EYA1: variants seen among roughly 807,000 people sequenced by gnomAD.
EYA1 encodes the protein protein phosphatase EYA1.
In EYA1, 16 loss-of-function variants were observed where a neutral mutation model predicts 82.0. The observed-to-expected ratio is 0.20, with a 90% CI of 0.13 to 0.30. The LOEUF (loss-of-function observed/expected upper bound fraction) is 0.30. Among genes scored for constraint, EYA1 ranks in the 10% least tolerant of loss-of-function variants. The pLI is 1.00. For missense variants in EYA1, 633 were observed against 730.7 expected (o/e 0.87, Z 1.54); for synonymous variants, 261 against 264.4 (o/e 0.99, Z 0.12).
chr8:71,376,735 T>C (rs1442700381), intron 2 of EYA1, among the ~76,000 whole-genome samples: 1 of 152,176 alleles, frequency 6.6e-6, no homozygotes, highest in Non-Finnish European at 1.5e-5. Flanking sequence ...GTGATTTGAC[T>C]GTCATCTCCA....
At chr8:71,352,971 T>C (rs1826454080) in intron 3 of EYA1, among the ~76,000 whole-genome samples, 1 of 152,208 alleles carries the variant, frequency 6.6e-6, no homozygotes, top group Non-Finnish European at 1.5e-5. Flanking sequence ...TTCTTAGTCC[T>C]ACTCATTTCT....
chr8:71,257,465 C>T (rs1448454930), intron 11 of EYA1, among the ~76,000 whole-genome samples: 3 of 152,118 alleles, frequency 2.0e-5, no homozygotes, highest in Non-Finnish European at 2.9e-5. Context: ...ATTTAAAACA[C>T]GTGCAAGCCA....
chr8:71,356,342 A>T, intron 2 of EYA1, 120 bp downstream of exon 2: 1 of 821,586 alleles, frequency 1.2e-6, no homozygotes. Flanking sequence ...CAAACTGTTA[A>T]GTAATTTCCA....
chr8:71,339,642 A>T (rs901845570), intron 3 of EYA1, among the ~76,000 whole-genome samples: 1 of 152,132 alleles, frequency 6.6e-6, no homozygotes, highest in Non-Finnish European at 1.5e-5. Flanking sequence ...ATCTTCCTGC[A>T]ACATTTCCCA....
chr8:71,471,764 G>C (rs1809228666), intron 2 of EYA1, among the ~76,000 whole-genome samples: 1 of 152,100 alleles, frequency 6.6e-6, no homozygotes, highest in Admixed American at 6.6e-5. Context: ...AAGGATGGGA[G>C]AAGAGGATGT....
At chr8:71,406,579 G>T (rs545106512) in intron 2 of EYA1, among the ~76,000 whole-genome samples, 1 of 152,308 alleles carries the variant, frequency 6.6e-6, no homozygotes, top group African/African-American at 2.4e-5. Flanking sequence ...AAGGGGTCAG[G>T]GAGTTCCCTT....
chr8:71,517,252 T>C (rs1012076365), intron 2 of EYA1, among the ~76,000 whole-genome samples: 111 of 152,202 alleles, frequency 7.3e-4, no homozygotes, highest in African/African-American at 2.5e-3. Context: ...TTCAACTCTC[T>C]ACAAACATCA....
At chr8:71,250,292 G>T (rs528590263) in intron 11 of EYA1, among the ~76,000 whole-genome samples, 1 of 152,158 alleles carries the variant, frequency 6.6e-6, no homozygotes, top group East Asian at 1.9e-4. Flanking sequence ...ACTAGGCAGA[G>T]GCCTAAACTG....
chr8:71,288,976 C>T (rs1196539540), intron 9 of EYA1, among the ~76,000 whole-genome samples: 2 of 152,172 alleles, frequency 1.3e-5, no homozygotes, highest in Non-Finnish European at 2.9e-5. Flanking sequence ...CAGATCCCCA[C>T]CTTCACTTTA....
chr8:71,300,498 T>C (rs1374515032), intron 7 of EYA1, among the ~76,000 whole-genome samples: 1 of 152,150 alleles, frequency 6.6e-6, no homozygotes, highest in Non-Finnish European at 1.5e-5. Flanking sequence ...TTGGGAAATA[T>C]ATAAAAAACG....
chr8:71,354,953 T>A (rs1826711204), intron 2 of EYA1, 44 bp from the exon 3 acceptor site: 2 of 1,599,730 alleles, frequency 1.3e-6, no homozygotes, highest in Non-Finnish European at 1.7e-6. Flanking sequence ...ACCAAATTCA[T>A]AACACCACCA....
At position 71,299,693 on chromosome 8, in the gene EYA1, A is replaced by G; in HGVS notation, c.584T>C (p.Ile195Thr). ...TGTGAGTGAATTATTTCCTGTATAT[A>G]TTCCTGATGATGTTGTAAAACTGCT... ...QGSSFTTSSG[I>T]YTGNNSLTNS... is the part of the protein sequence containing the mutation. Residue 195 changes from isoleucine (I) to threonine (T), a missense_variant, in exon 8 of 18, where the codon ATA becomes ACA. By Grantham distance (89) the Ile-to-Thr change is moderately conservative (BLOSUM62 -1). Coordinates refer to ENST00000340726, the MANE Select transcript of EYA1 (RefSeq NM_000503.6). 6.3e-7 allele frequency: 1 copy of G among 1,577,188 alleles called. No individual in the cohort carries two copies. Among genetic ancestry groups the G allele is most frequent in the Non-Finnish European group, 8.7e-7 (1 of 1,147,430 alleles).
At chr8:71,544,114 A>C (rs1198726252) in intron 1 of EYA1, among the ~76,000 whole-genome samples, 1 of 152,188 alleles carries the variant, frequency 6.6e-6, no homozygotes, top group Admixed American at 6.5e-5. Context: ...GCACTGACTC[A>C]GGGTTTCTTT....
intron 2 of EYA1, among the ~76,000 whole-genome samples, chr8:71,507,703 T>C (rs951186085): frequency 6.6e-6 from 1 of 152,200 alleles, no homozygotes; most frequent in Admixed American, 6.5e-5. Flanking sequence ...TTCTATCCAC[T>C]AATATGGAAT....
intron 2 of EYA1, among the ~76,000 whole-genome samples, chr8:71,466,928 T>C (rs1212144318): frequency 1.3e-5 from 2 of 152,110 alleles, no homozygotes; most frequent in African/African-American, 4.8e-5. Flanking sequence ...TGACTTTTTG[T>C]TTAAACTTTT....
At chr8:71,412,737 T>C (rs997425172) in intron 2 of EYA1, among the ~76,000 whole-genome samples, 1 of 152,226 alleles carries the variant, frequency 6.6e-6, no homozygotes, top group African/African-American at 2.4e-5. Context: ...CTTAAACTGC[T>C]CTGGGCATAG....
chr8:71,271,676 C>A (rs925671549), intron 10 of EYA1, 82 bp downstream of exon 10: 3 of 1,472,286 alleles, frequency 2.0e-6, no homozygotes, highest in Non-Finnish European at 2.9e-6. Flanking sequence ...TTAACCACTG[C>A]TGTTTACGTA....
At chr8:71,547,565 G>C (rs1443903220) in intron 1 of EYA1, 1 of 152,010 alleles carries the variant, frequency 6.6e-6, no homozygotes, top group Non-Finnish European at 1.5e-5. Context: ...GCTGGGGCTC[G>C]GGCGGCGCTC....
chr8:71,339,693 G>A (rs1824905475), intron 3 of EYA1, among the ~76,000 whole-genome samples: 1 of 152,098 alleles, frequency 6.6e-6, no homozygotes, highest in African/African-American at 2.4e-5. Context: ...TCCTTTCCTT[G>A]AGCAGGGTTT....
Sources: gnomAD v4.1 joint callset for allele counts (sites outside exome capture counted in the v4.1 genomes callset) on GRCh38, gnomAD v4.1.1 for gene constraint, MANE v1.5 for transcripts, NCBI Gene and HGNC (gene_info 2026-07-23, HGNC 2026-07-21) for gene names.